The following NCAM2 variants were observed in gnomAD, a reference collection of about 807,000 sequenced individuals.
The protein encoded by NCAM2 is neural cell adhesion molecule 2, also known as N-CAM-2.
Under a neutral mutation model 98.1 loss-of-function variants are expected in NCAM2, and 30 were observed. The observed-to-expected ratio is 0.31, with a 90% confidence interval of 0.23 to 0.41. The LOEUF is 0.41. Ranked by LOEUF, NCAM2 falls within the 10% of genes least tolerant of loss-of-function variation. The pLI is 1.00. For missense variants in NCAM2, 867 were observed against 1,005.8 expected, an observed-to-expected ratio of 0.86 and a Z score of 1.87; for synonymous variants, 368 against 342.4, an observed-to-expected ratio of 1.07 and a Z score of -0.83.
At chr21:21,431,894 G>C (rs949159316) in intron 11 of NCAM2, among the ~76,000 whole-genome samples, 3 of 151,756 alleles carry the variant, frequency 2.0e-5, no homozygotes, top group African/African-American at 7.3e-5. Flanking sequence ...TAATTTTACT[G>C]TCTATTTTCT....
At chr21:21,385,810 T>G in intron 9 of NCAM2, 1 of 214,384 alleles carries the variant, frequency 4.7e-6, no homozygotes, top group South Asian at 1.7e-4. Flanking sequence ...GACTAGGTAA[T>G]CATTACATAG....
chr21:21,073,846 T>C (rs1219535302), intron 1 of NCAM2, among the ~76,000 whole-genome samples: 2 of 152,192 alleles, frequency 1.3e-5, no homozygotes, highest in Non-Finnish European at 2.9e-5. Flanking sequence ...TTTCCAGTCC[T>C]AGTAACCAGA....
At position 21,122,690 on chromosome 21, in the gene NCAM2, C is replaced by T. The variant is rs140927949; in HGVS notation, c.55+124072C>T. 1.7e-3 allele frequency among the ~76,000 whole-genome samples: 254 copies of T among 152,234 alleles called. 1 individual carries two copies. The highest frequency in any genetic ancestry group is 5.8e-3 in the African/African-American group (242 of 41,522). On this transcript the variant is annotated intron_variant, in intron 1 of 17. Coordinates refer to ENST00000400546, the MANE Select transcript of NCAM2 (RefSeq NM_004540.5). Reference sequence around the variant, plus strand: ...TGTTTCCTATGGCTTACGTCTTTCACCAAGGTAGCCCTGTGTTTTTATATC... The same window carrying T: ...TGTTTCCTATGGCTTACGTCTTTCATCAAGGTAGCCCTGTGTTTTTATATC...
At chr21:21,298,821 A>AT (rs1297438268) in intron 5 of NCAM2, among the ~76,000 whole-genome samples, 3 of 151,496 alleles carry the variant, frequency 2.0e-5, no homozygotes, top group Admixed American at 1.3e-4. Context: ...GCATGTATTG[A>AT]TTTTTCAACA....
At chr21:21,094,806 T>C (rs948590273) in intron 1 of NCAM2, among the ~76,000 whole-genome samples, 2 of 151,776 alleles carry the variant, frequency 1.3e-5, no homozygotes, top group Non-Finnish European at 3.0e-5. Flanking sequence ...AAAGGTAGAT[T>C]ACCTATGAAG....
At chr21:21,011,514 A>G (rs950180179) in intron 1 of NCAM2, among the ~76,000 whole-genome samples, 3 of 152,046 alleles carry the variant, frequency 2.0e-5, no homozygotes, top group Admixed American at 6.6e-5. Flanking sequence ...TGACGTACGT[A>G]TGTATTGTGA....
chr21:21,450,346 T>A (rs1049454425), intron 12 of NCAM2, among the ~76,000 whole-genome samples: 3 of 151,864 alleles, frequency 2.0e-5, no homozygotes, highest in African/African-American at 7.3e-5. Flanking sequence ...TATCTTAGTC[T>A]CTTTTTATAA....
At chr21:21,253,685 T>C (rs1280242922) in intron 1 of NCAM2, among the ~76,000 whole-genome samples, 1 of 152,190 alleles carries the variant, frequency 6.6e-6, no homozygotes, top group Non-Finnish European at 1.5e-5. Flanking sequence ...AGGCCAAACA[T>C]ACTAAGACAT....
chr21:21,087,143 G>A (rs547981055), intron 1 of NCAM2, among the ~76,000 whole-genome samples: 3 of 152,038 alleles, frequency 2.0e-5, no homozygotes, highest in East Asian at 3.9e-4. Context: ...GTAATCACTA[G>A]CATTAGAAAA....
intron 9 of NCAM2, among the ~76,000 whole-genome samples, chr21:21,409,146 A>G (rs1220189701): frequency 6.6e-6 from 1 of 152,192 alleles, no homozygotes; most frequent in African/African-American, 2.4e-5. Context: ...AAAAATAATT[A>G]TAAAATCTTC....
At chr21:21,216,629 G>C (rs562025919) in intron 1 of NCAM2, among the ~76,000 whole-genome samples, 1 of 152,152 alleles carries the variant, frequency 6.6e-6, no homozygotes, top group Non-Finnish European at 1.5e-5. Context: ...CCTTAGCCAG[G>C]GGCTGAACCA....
intron 10 of NCAM2, among the ~76,000 whole-genome samples, chr21:21,417,146 A>G (rs1034805354): frequency 1.3e-5 from 2 of 152,044 alleles, no homozygotes; most frequent in Non-Finnish European, 2.9e-5. Flanking sequence ...CTGTCTTGGC[A>G]TTATATTGAT....
At chr21:21,272,932 A>T (rs952176285) in intron 1 of NCAM2, among the ~76,000 whole-genome samples, 2 of 84,132 alleles carry the variant, frequency 2.4e-5, no homozygotes, top group Non-Finnish European at 4.6e-5. Flanking sequence ...AGGGACATGC[A>T]TTCACACACA....
At chr21:21,508,551 T>G (rs1251530698) in intron 15 of NCAM2, among the ~76,000 whole-genome samples, 2 of 151,870 alleles carry the variant, frequency 1.3e-5, no homozygotes, top group Non-Finnish European at 2.9e-5. Flanking sequence ...AAGAGGTATA[T>G]TTAAAAGAAG....
intron 1 of NCAM2, among the ~76,000 whole-genome samples, chr21:21,121,821 G>A (rs1601424410): frequency 6.6e-6 from 1 of 152,334 alleles, no homozygotes; most frequent in East Asian, 1.9e-4. Flanking sequence ...TGCTGCCTGT[G>A]TTACGATTGG....
Position 21,088,970 on chromosome 21 carries a change from C to CAAGAAAA in NCAM2, c.55+90354_55+90355insGAAAAAA, listed in dbSNP as rs769220357. ...TGGGCGACAGAGCGAAACTCTGTCT[C>CAAGAAAA]AAAAAAAAAAAAGAAGAGACATCCA... On this transcript the variant is annotated intron_variant, in intron 1 of 17. Transcript: ENST00000400546. Among the ~76,000 whole-genome samples, 345 of 138,808 alleles carry CAAGAAAA rather than the reference C, an allele frequency of 2.5e-3. 4 individuals carry two copies. The highest frequency in any genetic ancestry group is 4.2e-3 in the Non-Finnish European group (265 of 63,412). The allele number at this position is 138,808 out of a possible 152,430, so 91.1% of individuals were successfully genotyped here. A position where few individuals can be genotyped will look rare whatever the true frequency, so the allele number is the denominator to read the frequency against.
chr21:21,108,337 G>T (rs764846738), intron 1 of NCAM2, among the ~76,000 whole-genome samples: 4 of 151,932 alleles, frequency 2.6e-5, no homozygotes, highest in Non-Finnish European at 4.4e-5. Context: ...TTCATTCACG[G>T]TTTAATTTCT....
At chr21:21,460,946 T>C (rs529549246) in intron 12 of NCAM2, among the ~76,000 whole-genome samples, 1 of 151,010 alleles carries the variant, frequency 6.6e-6, no homozygotes, top group South Asian at 2.1e-4. Context: ...AAAAAAAAAT[T>C]AAAAAGTTTG....
rs114618163 is a variant in NCAM2, at chr21:21,371,594, A to T, written c.1045-2269A>T. Among the ~76,000 whole-genome samples, 868 of 151,720 alleles carry T rather than the reference A, an allele frequency of 5.7e-3. 10 individuals carry two copies. The highest frequency in any genetic ancestry group is 0.02 in the African/African-American group (831 of 41,434). On this transcript the variant is annotated intron_variant, in intron 8 of 17. Coordinates refer to ENST00000400546, the MANE Select transcript of NCAM2 (RefSeq NM_004540.5). ...TGTCCTCTTAGGGCATCTGCCTGGA[A>T]TTCTTCCCTCAACACCACCCTTCTT...
Sources: gnomAD v4.1 joint callset for allele counts (sites outside exome capture counted in the v4.1 genomes callset) on GRCh38, gnomAD v4.1.1 for gene constraint, MANE v1.5 for transcripts, NCBI Gene and HGNC (gene_info 2026-07-23, HGNC 2026-07-21) for gene names.